RXFP2: variants seen among roughly 807,000 people sequenced by gnomAD.
RXFP2 encodes the protein relaxin family peptide receptor 2, also known as relaxin receptor 2.
In RXFP2, 68 loss-of-function variants were observed where a neutral mutation model predicts 88.6. The ratio of observed to expected loss-of-function variants is 0.77; its 90% CI spans 0.63 to 0.94. The LOEUF (loss-of-function observed/expected upper bound fraction) is 0.94. RXFP2 is among the 40% of genes least tolerant of loss of function. RXFP2 has a pLI of 0.00. For synonymous variants in RXFP2, 329 were observed against 306.8 expected (o/e 1.07, Z -0.76); for missense variants, 791 against 893.9 (o/e 0.88, Z 1.47).
chr13:31,776,264 T>C (rs1872975017), intron 7 of RXFP2, among the ~76,000 whole-genome samples: 1 of 138,786 alleles, frequency 7.2e-6, no homozygotes, highest in Non-Finnish European at 1.6e-5. Context: ...TTTTTTTTTT[T>C]TTTTTTTTTG....
chr13:31,778,459 T>G (rs1873097427), intron 8 of RXFP2, 53 bp from the exon 9 acceptor site: 1 of 1,203,648 alleles, frequency 8.3e-7, no homozygotes, highest in Non-Finnish European at 1.2e-6. Flanking sequence ...AAAAAGACTG[T>G]CCTAAAAGTG....
chr13:31,798,586 A>G (rs1010137785), intron 17 of RXFP2, among the ~76,000 whole-genome samples: 1 of 152,178 alleles, frequency 6.6e-6, no homozygotes, highest in Non-Finnish European at 1.5e-5. Context: ...GGACATCTCA[A>G]TTTTACACCC....
In RXFP2 at chr13:31,761,789, A is replaced by C. The variant is rs1872315401; in HGVS notation, c.307A>C (p.Thr103Pro). ...VHGNANSVAL[T>P]QECFLKQYPQ... ...TGGAAATGCTAACAGCGTGGCCTTA[A>C]CACAGGAGTGCTGTAAGTGGTTTTG... The change falls in exon 3 of 18, where the codon ACA becomes CCA. Residue 103 changes from threonine to proline, a missense_variant. Transcript: ENST00000298386. The C allele has an allele frequency of 6.2e-7, 1 of 1,610,718 alleles. No individual in the cohort carries two copies. The highest frequency in any genetic ancestry group is 1.1e-5 in the South Asian group (1 of 91,020).
At chr13:31,782,531 CT>C in intron 10 of RXFP2, 144 bp from the exon 11 acceptor site, 1 of 691,930 alleles carries the variant, frequency 1.4e-6, no homozygotes, top group East Asian at 2.7e-5. Flanking sequence ...AAAGTCCTGC[CT>C]TAGTTTCCAC....
At position 31,758,379 on chromosome 13, in the gene RXFP2, G is replaced by A; in HGVS notation, c.216G>A (p.Gly72=). ...AFHCDGKDDC[G]NGADEENCGD... ...ACTGTGATGGCAAGGATGACTGTGG[G>A]AACGGGGCGGACGAAGAGAACTGTG... The change falls in exon 2 of 18, where the codon GGG becomes GGA. Residue 72 remains glycine, a synonymous_variant. Coordinates refer to ENST00000298386, the MANE Select transcript of RXFP2 (RefSeq NM_130806.5). 6.2e-7 allele frequency: 1 copy of A among 1,614,130 alleles called. No homozygotes were observed. The highest frequency in any genetic ancestry group is 1.1e-5 in the South Asian group (1 of 91,086).
At chr13:31,777,066 G>A (rs1047747596) in intron 7 of RXFP2, among the ~76,000 whole-genome samples, 7 of 152,122 alleles carry the variant, frequency 4.6e-5, no homozygotes, top group South Asian at 2.1e-4. Flanking sequence ...CATTCAATAC[G>A]TGGAGTTTGT....
intron 5 of RXFP2, among the ~76,000 whole-genome samples, chr13:31,772,184 A>G (rs2138425827): frequency 6.6e-6 from 1 of 152,336 alleles, no homozygotes; most frequent in African/African-American, 2.4e-5. Context: ...TACCATGGAA[A>G]CAAACAGCAG....
Position 31,781,577 on chromosome 13 carries a change from G to A in RXFP2, c.786-94G>A, listed in dbSNP as rs1045789191. The A allele has an allele frequency of 5.6e-6, 5 of 887,104 alleles. No homozygotes were observed. In the African/African-American group the frequency reaches 8.4e-5, roughly 15 times the overall value. The allele number at this position is 887,104 out of a possible 1,614,324, so 55.0% of individuals were successfully genotyped here. A position where few individuals can be genotyped will look rare whatever the true frequency, so the allele number is the denominator to read the frequency against. The stretch of plus-strand genomic sequence containing the variant: ...GAAAGATAGTAACAACTGGAATGAA[G>A]TAAAAATAAACTTGATAACCATTTT... On this transcript the variant is annotated intron_variant, in intron 9 of 17. Transcript: ENST00000298386.
chr13:31,774,542 A>G, intron 5 of RXFP2, 78 bp from the exon 6 acceptor site: 1 of 807,656 alleles, frequency 1.2e-6, no homozygotes, highest in East Asian at 2.4e-5. Flanking sequence ...TCAGGTAAAG[A>G]AAGTGGAGAA....
chr13:31,776,111 T>TTTCC (rs1312193142), intron 7 of RXFP2, among the ~76,000 whole-genome samples: 9 of 143,746 alleles, frequency 6.3e-5, no homozygotes, highest in Non-Finnish European at 1.4e-4. Flanking sequence ...CTTTTCTTTC[T>TTTCC]TTCTTTCTTT....
At chr13:31,801,042 G>T (rs148638527) in intron 17 of RXFP2, among the ~76,000 whole-genome samples, 1 of 151,994 alleles carries the variant, frequency 6.6e-6, no homozygotes, top group East Asian at 1.9e-4. Context: ...AGTCAGAGAA[G>T]AAATGGAAAA....
rs148874739 is a variant in RXFP2 at position 31,803,330 on chromosome 13, G to A, written c.*925G>A. 17 of 152,064 alleles carry A rather than the reference G, an allele frequency of 1.1e-4. 1 individual carries two copies. The East Asian group carries it at 2.9e-3, about 26-fold the overall frequency. 9.4% of individuals were successfully genotyped at this position (152,064 alleles called of 1,614,324 possible). ...AAGTTTGGGGTGGTTTTTTGAAAACGAAACTGAAAAAAATTATATGTGAAA... is the reference window on the plus strand; with the variant it reads ...AAGTTTGGGGTGGTTTTTTGAAAACAAAACTGAAAAAAATTATATGTGAAA... On this transcript the variant is annotated 3_prime_UTR_variant, in exon 18 of 18. Transcript: ENST00000298386.
In RXFP2 at chr13:31,777,371, G is replaced by T. The variant is rs771478129; in HGVS notation, c.642-5G>T. On this transcript the variant is annotated splice_region_variant and splice_polypyrimidine_tract_variant and intron_variant, in intron 7 of 17. Transcript: ENST00000298386. Reference sequence around the variant, plus strand: ...TTGGAAATGTTTCTTGATACATTTTGTCAGAATTCTAGATGACAATCCAAT... The same window carrying T: ...TTGGAAATGTTTCTTGATACATTTTTTCAGAATTCTAGATGACAATCCAAT... 6.2e-7 allele frequency: 1 copy of T among 1,603,034 alleles called. No homozygotes were observed. Among genetic ancestry groups the T allele is most frequent in the Admixed American group, 1.7e-5 (1 of 59,840 alleles).
chr13:31,742,660 A>C (rs1188607171), intron 1 of RXFP2, among the ~76,000 whole-genome samples: 1 of 152,208 alleles, frequency 6.6e-6, no homozygotes, highest in Non-Finnish European at 1.5e-5. Flanking sequence ...AAAGAGTTTT[A>C]AGGCCTCTCA....
In RXFP2 at chr13:31,789,193, T is replaced by C. The variant is rs779923000; in HGVS notation, c.1145T>C (p.Ile382Thr). The C allele has an allele frequency of 3.8e-6, 6 of 1,577,528 alleles. No homozygotes were observed. Among genetic ancestry groups the C allele is most frequent in the Non-Finnish European group, 1.7e-6 (2 of 1,148,358 alleles). Residue 382 changes from isoleucine to threonine, a missense_variant and splice_region_variant, in exon 14 of 18, where the codon ATT becomes ACT. Coordinates refer to ENST00000298386, the MANE Select transcript of RXFP2 (RefSeq NM_130806.5). ...CAACCCATGAAGAATCTTTCTCACA[T>C]GTACGTATGTATAAAAAATGGAGGA... ...MFQPMKNLSH[I>T]YFKNFRYCSY...
intron 1 of RXFP2, among the ~76,000 whole-genome samples, chr13:31,745,006 T>TA (rs1871352916): frequency 6.6e-6 from 1 of 152,006 alleles, no homozygotes; most frequent in Non-Finnish European, 1.5e-5. Context: ...CTGTCTCTAC[T>TA]AAAAATACAA....
intron 5 of RXFP2, among the ~76,000 whole-genome samples, chr13:31,768,133 G>A (rs1872617006): frequency 6.6e-6 from 1 of 152,130 alleles, no homozygotes; most frequent in Non-Finnish European, 1.5e-5. Flanking sequence ...GCCAAGATTA[G>A]CTAGCAATTT....
At position 31,776,114 on chromosome 13, in the gene RXFP2, C is replaced by CTTTTCT. The variant is rs1478659113; in HGVS notation, c.641+728_641+729insTCTTTT. Among the ~76,000 whole-genome samples, 858 of 135,980 alleles carry CTTTTCT rather than the reference C, an allele frequency of 6.3e-3. 4 individuals carry two copies. The highest frequency in any genetic ancestry group is 0.011 in the Non-Finnish European group (687 of 64,338). 89.2% of individuals were successfully genotyped at this position (135,980 alleles called of 152,430 possible). A position where few individuals can be genotyped will look rare whatever the true frequency, so the allele number is the denominator to read the frequency against. On this transcript the variant is annotated intron_variant, in intron 7 of 17. Coordinates refer to ENST00000298386, the MANE Select transcript of RXFP2 (RefSeq NM_130806.5). ...TTTCTTTCTTTTCTTTTCTTTCTTT[C>CTTTTCT]TTTCTTTCTTTCTTTCTTTCTTTCT...
intron 11 of RXFP2, 90 bp from the exon 12 acceptor site, chr13:31,786,293 C>A: frequency 1.0e-6 from 1 of 969,682 alleles, no homozygotes; most frequent in Non-Finnish European, 1.7e-6. Flanking sequence ...TTTTCTGTTA[C>A]ATCAAATGGG....
Sources: gnomAD v4.1 joint callset for allele counts (sites outside exome capture counted in the v4.1 genomes callset) on GRCh38, gnomAD v4.1.1 for gene constraint, MANE v1.5 for transcripts, NCBI Gene and HGNC (gene_info 2026-07-23, HGNC 2026-07-21) for gene names.